Variants in ARID5B observed in about 807,000 individuals in gnomAD.
The protein encoded by ARID5B is AT-rich interactive domain-containing protein 5B.
ARID5B carries 13 observed loss-of-function variants against 97.2 expected under a neutral mutation model. That is an observed-to-expected ratio of 0.13 (90% confidence interval 0.09 to 0.21). The LOEUF is 0.21. Ranked by LOEUF, ARID5B falls within the 10% of genes least tolerant of loss-of-function variation. ARID5B has a pLI of 1.00. For missense variants in ARID5B, 1,210 were observed against 1,465.3 expected, an observed-to-expected ratio of 0.83 and a Z score of 2.84; for synonymous variants, 556 against 570.3, an observed-to-expected ratio of 0.97 and a Z score of 0.36.
chr10:62,057,136 C>A lies in ARID5B; in HGVS notation c.866C>A (p.Ser289Ter). ...TTCCAGGTGAAATGTGAGGCCAGGT[C>A]AGCCTTGACCAAGCCGAAGAATAAC... ...AVAKVKCEARSALTKPKNNHN... is the reference protein window; with the variant it reads ...AVAKVKCEAR The change falls in exon 6 of 10, where the codon TCA becomes TAA. Residue 289 changes from serine to a stop codon, truncating the protein, a stop_gained. Coordinates refer to ENST00000279873, the MANE Select transcript of ARID5B (RefSeq NM_032199.3). LOFTEE classifies it high-confidence loss of function. 1 of 1,613,586 alleles carries A rather than the reference C, an allele frequency of 6.2e-7. No individual in the cohort carries two copies. Among genetic ancestry groups the A allele is most frequent in the South Asian group, 1.1e-5 (1 of 91,046 alleles).
rs547575907 is a variant in ARID5B at position 62,043,266 on chromosome 10, C to T, written c.734-7622C>T. The stretch of plus-strand genomic sequence containing the variant: ...CCTCTGAAAAGCCAGACTGTCTCCT[C>T]ACTCCTAGATTCAGCTCCCAGATTT... On this transcript the variant is annotated intron_variant, in intron 4 of 9. Coordinates refer to ENST00000279873, the MANE Select transcript of ARID5B (RefSeq NM_032199.3). Among the ~76,000 whole-genome samples, 3 of 152,330 alleles carry T rather than the reference C, an allele frequency of 2.0e-5. No homozygotes were observed. The South Asian group carries it at 6.2e-4, about 32-fold the overall frequency.
chr10:62,017,137 T>C (rs1197873035), intron 4 of ARID5B, among the ~76,000 whole-genome samples: 2 of 152,228 alleles, frequency 1.3e-5, no homozygotes, highest in African/African-American at 2.4e-5. Context: ...TTGTCCCTTA[T>C]GTCTACATAC....
intron 4 of ARID5B, among the ~76,000 whole-genome samples, chr10:62,010,900 G>C (rs1438475116): frequency 1.3e-5 from 2 of 152,180 alleles, no homozygotes; most frequent in Non-Finnish European, 2.9e-5. Flanking sequence ...CATACAGGGC[G>C]TTGTCAGGTT....
chr10:62,038,105 C>T (rs753777614), intron 4 of ARID5B, among the ~76,000 whole-genome samples: 12 of 152,150 alleles, frequency 7.9e-5, no homozygotes, highest in Non-Finnish European at 1.8e-4. Flanking sequence ...TTCTCTTAAG[C>T]TCTTCAGTCT....
intron 2 of ARID5B, among the ~76,000 whole-genome samples, chr10:61,933,789 CATA>C (rs1244177717): frequency 6.6e-6 from 1 of 152,198 alleles, no homozygotes; most frequent in Non-Finnish European, 1.5e-5. Context: ...ATAGATTTAG[CATA>C]ATCCTGAAAG....
rs1271793212 is a variant in ARID5B at position 62,000,494 on chromosome 10, G to A, written c.733+173G>A. 6.7e-6 allele frequency among the ~76,000 whole-genome samples: 1 copy of A among 148,166 alleles called. No individual in the cohort carries two copies. Among genetic ancestry groups the A allele is most frequent in the Non-Finnish European group, 1.5e-5 (1 of 67,666 alleles). ...GGCATAAGGCGTCATTGCCTCCTTC[G>A]TAGCCTCTGTTTACTATGAGTAAGA... On this transcript the variant is annotated intron_variant, in intron 4 of 9. Transcript: ENST00000279873. The surrounding 1 kb of genome is among the most constrained non-coding windows in gnomAD (Gnocchi z 4.4).
intron 5 of ARID5B, among the ~76,000 whole-genome samples, chr10:62,053,170 G>GC (rs1589275972): frequency 1.3e-5 from 2 of 152,320 alleles, no homozygotes; most frequent in East Asian, 3.9e-4. Flanking sequence ...CTAATCATCT[G>GC]TTGAATTGAA....
chr10:61,906,221 T>TA (rs916733569), intron 2 of ARID5B, among the ~76,000 whole-genome samples: 63 of 148,068 alleles, frequency 4.3e-4, no homozygotes, highest in African/African-American at 6.9e-4. Flanking sequence ...TTATAAACAA[T>TA]AAAAAAAAAA....
chr10:62,001,513 T>TTA (rs1237955578), intron 4 of ARID5B, among the ~76,000 whole-genome samples: 1 of 152,218 alleles, frequency 6.6e-6, no homozygotes, highest in Non-Finnish European at 1.5e-5. Context: ...TTTGCAGACC[T>TTA]TGGTATGGTT....
At chr10:62,005,426 G>A (rs1335529945) in intron 4 of ARID5B, among the ~76,000 whole-genome samples, 1 of 152,158 alleles carries the variant, frequency 6.6e-6, no homozygotes, top group Non-Finnish European at 1.5e-5. Context: ...GTTTCTATTA[G>A]TCATATGTCT....
intron 2 of ARID5B, among the ~76,000 whole-genome samples, chr10:61,936,447 G>C (rs1056889995): frequency 6.6e-6 from 1 of 152,162 alleles, no homozygotes; most frequent in African/African-American, 2.4e-5. Context: ...GTGAAACCCT[G>C]TCTCTACTAA....
chr10:61,953,608 C>G (rs770137670), intron 3 of ARID5B, among the ~76,000 whole-genome samples: 5 of 152,118 alleles, frequency 3.3e-5, no homozygotes, highest in Non-Finnish European at 5.9e-5. Flanking sequence ...TATGTTGTAG[C>G]GGAAAGAGCA....
intron 3 of ARID5B, among the ~76,000 whole-genome samples, chr10:61,999,411 G>A (rs775514582): frequency 6.6e-6 from 1 of 152,128 alleles, no homozygotes; most frequent in Non-Finnish European, 1.5e-5. Context: ...TACCTTAAAC[G>A]GGCTTGTAAC....
At chr10:62,082,655 A>C (rs1331835831) in intron 8 of ARID5B, among the ~76,000 whole-genome samples, 1 of 152,194 alleles carries the variant, frequency 6.6e-6, no homozygotes, top group Non-Finnish European at 1.5e-5. Flanking sequence ...TGTTGACCTA[A>C]TCTAAGGCTA....
At chr10:61,951,887 C>T (rs1838328587) in intron 3 of ARID5B, among the ~76,000 whole-genome samples, 1 of 152,060 alleles carries the variant, frequency 6.6e-6, no homozygotes, top group Admixed American at 6.6e-5. Flanking sequence ...TGTAAAATAT[C>T]CTATACTGGG....
At chr10:62,010,602 A>G (rs1839204521) in intron 4 of ARID5B, among the ~76,000 whole-genome samples, 1 of 152,208 alleles carries the variant, frequency 6.6e-6, no homozygotes, top group South Asian at 2.1e-4. Context: ...AACTCAAAAG[A>G]ACTGGGTTTT....
intron 7 of ARID5B, among the ~76,000 whole-genome samples, chr10:62,065,241 T>C (rs1403999659): frequency 6.6e-6 from 1 of 152,164 alleles, no homozygotes; most frequent in Non-Finnish European, 1.5e-5. Flanking sequence ...CCTAGATTGG[T>C]TTGTTTTACC....
intron 8 of ARID5B, among the ~76,000 whole-genome samples, chr10:62,071,606 T>TA (rs1220824361): frequency 1.4e-5 from 2 of 142,916 alleles, no homozygotes; most frequent in African/African-American, 5.0e-5. Flanking sequence ...ACTCAACCCA[T>TA]AGTAGTGTGT....
intron 3 of ARID5B, among the ~76,000 whole-genome samples, chr10:61,952,703 C>T (rs749252157): frequency 1.9e-4 from 29 of 152,178 alleles, no homozygotes; most frequent in Non-Finnish European, 8.8e-5. Context: ...GCAGCAGCTA[C>T]TTGGGGTATT....
Sources: allele counts gnomAD v4.1 joint callset (sites outside exome capture counted in the v4.1 genomes callset), GRCh38; gene constraint gnomAD v4.1.1; non-coding constraint Gnocchi (gnomAD v3.1); transcripts MANE v1.5; gene names NCBI Gene and HGNC (gene_info 2026-07-23, HGNC 2026-07-21).